The following KHDRBS2 variants were observed in gnomAD, a reference collection of about 807,000 sequenced individuals.
KHDRBS2 encodes the protein KH RNA binding domain containing, signal transduction associated 2.
A neutral mutation model predicts 44.3 loss-of-function variants in KHDRBS2; 26 were observed. The observed-to-expected ratio is 0.59, with a 90% CI of 0.43 to 0.81. The LOEUF is 0.81. KHDRBS2 is among the 40% of genes least tolerant of loss of function. The probability of loss-of-function intolerance (pLI) is 0.00; values close to 1 mark genes in which losing one functional copy is unlikely to be tolerated. For missense variants in KHDRBS2, 476 were observed against 433.1 expected, an observed-to-expected ratio of 1.10 and a Z score of -0.88; for synonymous variants, 194 against 151.1, an observed-to-expected ratio of 1.28 and a Z score of -2.08.
At chr6:61,961,056 G>C (rs1340551045) in intron 4 of KHDRBS2, among the ~76,000 whole-genome samples, 1 of 152,088 alleles carries the variant, frequency 6.6e-6, no homozygotes, top group African/African-American at 2.4e-5. Flanking sequence ...CCACAGCTTA[G>C]AAGTGAGACT....
At chr6:61,626,734 A>G in the KHDRBS2 span, among the ~76,000 whole-genome samples, 15 of 152,216 alleles carry the variant, frequency 9.9e-5, no homozygotes, top group African/African-American at 3.6e-4. Context: ...GGCTTTTCCT[A>G]TGCATACTGT....
At chr6:62,126,117 C>G (rs1808902505) in intron 2 of KHDRBS2, among the ~76,000 whole-genome samples, 1 of 152,084 alleles carries the variant, frequency 6.6e-6, no homozygotes, top group Admixed American at 6.5e-5. Context: ...CACCTACTGC[C>G]CTGAAAGGAG....
the KHDRBS2 span, among the ~76,000 whole-genome samples, chr6:61,556,343 AT>A: frequency 2.4e-4 from 37 of 152,256 alleles, no homozygotes; most frequent in South Asian, 2.7e-3. Flanking sequence ...GAAAAATCAC[AT>A]TTTTTTAATC....
chr6:61,975,459 A>T lies in KHDRBS2; in HGVS notation c.483+2607T>A, dbSNP rs570249517. Among the ~76,000 whole-genome samples, 4 of 152,138 alleles carry T rather than the reference A, an allele frequency of 2.6e-5. No homozygotes were observed. The South Asian group carries it at 8.3e-4, about 31-fold the overall frequency. Reference sequence around the variant, plus strand: ...AGATCACCAAGTCATTTCATAGAATAAAAAAAATTGGCAGTTCATTTTTGC... The same window carrying T: ...AGATCACCAAGTCATTTCATAGAATTAAAAAAATTGGCAGTTCATTTTTGC... On this transcript the variant is annotated intron_variant, in intron 4 of 8. Coordinates refer to ENST00000281156, the MANE Select transcript of KHDRBS2 (RefSeq NM_152688.4).
At chr6:61,917,971 C>A (rs1807329890) in intron 4 of KHDRBS2, among the ~76,000 whole-genome samples, 1 of 151,914 alleles carries the variant, frequency 6.6e-6, no homozygotes, top group South Asian at 2.1e-4. Context: ...ATATTGAAGG[C>A]TCCTCCATAT....
the KHDRBS2 span, among the ~76,000 whole-genome samples, chr6:61,647,453 T>C: frequency 6.6e-6 from 1 of 152,272 alleles, no homozygotes; most frequent in East Asian, 1.9e-4. Context: ...TAGATAATTA[T>C]ATAACATGAT....
the KHDRBS2 span, among the ~76,000 whole-genome samples, chr6:61,618,196 G>A: frequency 6.6e-6 from 1 of 152,110 alleles, no homozygotes; most frequent in African/African-American, 2.4e-5. Flanking sequence ...TCTACCTTTT[G>A]TGGGGCACTA....
chr6:62,081,039 C>T (rs537367842), intron 2 of KHDRBS2, among the ~76,000 whole-genome samples: 5 of 152,076 alleles, frequency 3.3e-5, no homozygotes, highest in Middle Eastern at 3.2e-3. Context: ...ACTGACCATA[C>T]GTTATAGATA....
chr6:62,048,539 G>C (rs1788257838), intron 2 of KHDRBS2, among the ~76,000 whole-genome samples: 1 of 151,774 alleles, frequency 6.6e-6, no homozygotes. Context: ...CAGGAATAAA[G>C]GGACTCAATT....
intron 7 of KHDRBS2, among the ~76,000 whole-genome samples, chr6:61,732,221 A>G (rs16899312): frequency 0.028 from 4,268 of 152,198 alleles, 218 homozygotes; most frequent in African/African-American, 0.099. Context: ...TCAACAATCA[A>G]TATGAGACCT....
chr6:61,823,575 A>G (rs1280235746), intron 6 of KHDRBS2, among the ~76,000 whole-genome samples: 2 of 152,234 alleles, frequency 1.3e-5, no homozygotes, highest in Non-Finnish European at 2.9e-5. Flanking sequence ...CTCTCAGAAC[A>G]TGATACTCAT....
chr6:62,203,249 GA>G (rs1414240703), intron 1 of KHDRBS2, among the ~76,000 whole-genome samples: 1 of 152,062 alleles, frequency 6.6e-6, no homozygotes, highest in Non-Finnish European at 1.5e-5. Flanking sequence ...AAGTTAACAT[GA>G]GCATATTTAC....
chr6:61,675,468 A>T (rs1244370015), downstream of KHDRBS2, among the ~76,000 whole-genome samples: 2 of 151,708 alleles, frequency 1.3e-5, no homozygotes, highest in Admixed American at 6.6e-5. Flanking sequence ...ATTTTGTGAC[A>T]ACTTTATTTA....
chr6:61,970,456 G>A (rs890154694), intron 4 of KHDRBS2, among the ~76,000 whole-genome samples: 5 of 152,138 alleles, frequency 3.3e-5, no homozygotes, highest in African/African-American at 1.2e-4. Flanking sequence ...GTGAACTACA[G>A]CTCTCATTCA....
At chr6:62,262,763 A>G (rs1025892058) in intron 1 of KHDRBS2, among the ~76,000 whole-genome samples, 2 of 151,712 alleles carry the variant, frequency 1.3e-5, no homozygotes, top group Non-Finnish European at 3.0e-5. Context: ...GGCTAAATTA[A>G]ATTATTAGAA....
chr6:61,599,656 C>G, the KHDRBS2 span, among the ~76,000 whole-genome samples: 1 of 152,118 alleles, frequency 6.6e-6, no homozygotes, highest in Non-Finnish European at 1.5e-5. Context: ...TTGAACTTTC[C>G]CAGGATTAGC....
At chr6:61,610,968 C>G in the KHDRBS2 span, among the ~76,000 whole-genome samples, 1 of 152,022 alleles carries the variant, frequency 6.6e-6, no homozygotes, top group African/African-American at 2.4e-5. Context: ...GAAGAAGGCC[C>G]CTATGATATC....
chr6:61,652,163 T>G, the KHDRBS2 span: 3 of 152,098 alleles, frequency 2.0e-5, no homozygotes, highest in African/African-American at 7.2e-5. Context: ...AAACCTAAGA[T>G]CTGATATAAT....
chr6:62,217,283 A>G (rs531133069), intron 1 of KHDRBS2, among the ~76,000 whole-genome samples: 1 of 151,774 alleles, frequency 6.6e-6, no homozygotes, highest in Non-Finnish European at 1.5e-5. Flanking sequence ...TGACCAGAAA[A>G]AAAAGCTAAA....
Sources: allele counts gnomAD v4.1 joint callset (sites outside exome capture counted in the v4.1 genomes callset), GRCh38; gene constraint gnomAD v4.1.1; transcripts MANE v1.5; gene names NCBI Gene and HGNC (gene_info 2026-07-23, HGNC 2026-07-21).